PDE4D: variants seen among roughly 807,000 people sequenced by gnomAD.
The protein encoded by PDE4D is phosphodiesterase 4D.
Under a neutral mutation model 87.4 loss-of-function variants are expected in PDE4D, and 24 were observed. The observed-to-expected ratio is 0.27, with a 90% CI of 0.20 to 0.39. The LOEUF is 0.39. PDE4D is among the 10% of genes least tolerant of loss of function. The probability of loss-of-function intolerance (pLI) is 1.00; values close to 1 mark genes in which losing one functional copy is unlikely to be tolerated. For missense variants in PDE4D, 714 were observed against 1,041.0 expected, an observed-to-expected ratio of 0.69 and a Z score of 4.32; for synonymous variants, 384 against 383.2, an observed-to-expected ratio of 1.00 and a Z score of -0.02.
chr5:60,381,171 G>T (rs1254022401), intron 1 of PDE4D, among the ~76,000 whole-genome samples: 1 of 152,180 alleles, frequency 6.6e-6, no homozygotes, highest in Non-Finnish European at 1.5e-5. Flanking sequence ...ATGGCTGCCT[G>T]TTCCTTCTCT....
At position 59,647,446 on chromosome 5, in the gene PDE4D, G is replaced by C. The variant is rs139066912; in HGVS notation, c.455+245722C>G. Among the ~76,000 whole-genome samples the C allele has an allele frequency of 2.5e-3, 322 of 130,992 alleles. 3 individuals carry two copies. In the East Asian group the frequency reaches 0.067, roughly 27 times the overall value. The allele number at this position is 130,992 out of a possible 152,430, so 85.9% of individuals were successfully genotyped here. A position where few individuals can be genotyped will look rare whatever the true frequency, so the allele number is the denominator to read the frequency against. ...CATTTTAAATATATTTTTGAAATTAGGGATTTTTCAAAGTTTTTTTTTTTT... is the reference window on the plus strand; with the variant it reads ...CATTTTAAATATATTTTTGAAATTACGGATTTTTCAAAGTTTTTTTTTTTT... On this transcript the variant is annotated intron_variant, in intron 1 of 14. Transcript: ENST00000340635.
Position 60,381,864 on chromosome 5 carries a change from A to T in PDE4D, c.-90+106078T>A, listed in dbSNP as rs773582791. ...TAAGGCACTGAGGAAAAGATTAGAGAAAAAAACAGCAAGGAGTTGAACACA... is the reference window on the plus strand; with the variant it reads ...TAAGGCACTGAGGAAAAGATTAGAGTAAAAAACAGCAAGGAGTTGAACACA... On this transcript the variant is annotated intron_variant, in intron 1 of 16. Transcript: ENST00000502484. Among the ~76,000 whole-genome samples the T allele has an allele frequency of 5.3e-4, 80 of 152,190 alleles. 1 individual carries two copies. The highest frequency in any genetic ancestry group is 2.0e-3 in the Admixed American group (31 of 15,266).
At chr5:60,054,553 A>G (rs757312687) in intron 2 of PDE4D, among the ~76,000 whole-genome samples, 9 of 152,120 alleles carry the variant, frequency 5.9e-5, no homozygotes, top group East Asian at 1.9e-4. Flanking sequence ...TAGGGGAGGG[A>G]TAGCATTAGG....
chr5:59,988,338 C>T (rs952914153), intron 3 of PDE4D: 2 of 536,140 alleles, frequency 3.7e-6, no homozygotes, highest in Non-Finnish European at 3.3e-6. Context: ...AGAAATGTCA[C>T]CTGAGAAATT....
intron 1 of PDE4D, among the ~76,000 whole-genome samples, chr5:59,234,079 A>G (rs535782930): frequency 3.9e-5 from 6 of 152,258 alleles, no homozygotes; most frequent in Admixed American, 2.6e-4. Context: ...TTGAGAAGCA[A>G]TGTTCATTGC....
chr5:59,399,189 T>G lies in PDE4D; in HGVS notation c.456-183221A>C, dbSNP rs1167452054. ...ATTTAAAGATTCAATGCCATCCCCA[T>G]CAAGCTACCCATGACTTTCTTCACA... On this transcript the variant is annotated intron_variant, in intron 1 of 14. Coordinates refer to ENST00000340635, the MANE Select transcript of PDE4D (RefSeq NM_001104631.2). Among the ~76,000 whole-genome samples the G allele has an allele frequency of 1.5e-5, 2 of 135,280 alleles. 1 individual carries two copies. Among genetic ancestry groups the G allele is most frequent in the Non-Finnish European group, 3.3e-5 (2 of 60,126 alleles). 88.7% of individuals were successfully genotyped at this position (135,280 alleles called of 152,430 possible). A position where few individuals can be genotyped will look rare whatever the true frequency, so the allele number is the denominator to read the frequency against.
rs887208176 is a variant in PDE4D, at chr5:60,487,136, A to G, written c.-90+806T>C. Among the ~76,000 whole-genome samples the G allele has an allele frequency of 4.6e-5, 7 of 152,194 alleles. No individual in the cohort carries two copies. In the East Asian group the frequency reaches 1.2e-3, roughly 25 times the overall value. ...TGATGTTTTCTGGTTTTCCACTTCA[A>G]TCTGCTCCAGCTTTATCCTAAACCT... On this transcript the variant is annotated intron_variant, in intron 1 of 16. Transcript: ENST00000502484.
chr5:60,258,726 A>G (rs1749347649), intron 1 of PDE4D, among the ~76,000 whole-genome samples: 1 of 151,978 alleles, frequency 6.6e-6, no homozygotes, highest in Non-Finnish European at 1.5e-5. Flanking sequence ...CCATGCAGAA[A>G]CAATTAAAAA....
chr5:60,259,705 C>T (rs1304988861), intron 1 of PDE4D, among the ~76,000 whole-genome samples: 1 of 152,048 alleles, frequency 6.6e-6, no homozygotes, highest in Non-Finnish European at 1.5e-5. Flanking sequence ...TTGACTCATT[C>T]TACACATCTT....
intron 11 of PDE4D, among the ~76,000 whole-genome samples, chr5:58,982,493 T>C (rs1475803151): frequency 1.3e-5 from 2 of 152,264 alleles, no homozygotes; most frequent in Non-Finnish European, 2.9e-5. Flanking sequence ...AATACCATAG[T>C]TTTGGCAGAA....
intron 2 of PDE4D, among the ~76,000 whole-genome samples, chr5:60,028,432 G>C (rs1344627831): frequency 6.6e-6 from 1 of 152,122 alleles, no homozygotes; most frequent in Non-Finnish European, 1.5e-5. Flanking sequence ...TCCTGGGTCT[G>C]TCTGCCCTCA....
At chr5:60,403,219 C>T (rs1257147377) in intron 1 of PDE4D, among the ~76,000 whole-genome samples, 1 of 152,178 alleles carries the variant, frequency 6.6e-6, no homozygotes, top group Non-Finnish European at 1.5e-5. Flanking sequence ...TTAGTGTGTT[C>T]CTTCTCTAAA....
At chr5:60,151,280 G>A (rs56752765) in intron 2 of PDE4D, among the ~76,000 whole-genome samples, 2,844 of 152,190 alleles carry the variant, frequency 0.019, 87 homozygotes, top group African/African-American at 0.064. Context: ...AAAGTGCTGG[G>A]ATTACAGGTG....
chr5:59,612,527 A>G (rs980647538), intron 1 of PDE4D, among the ~76,000 whole-genome samples: 2 of 152,174 alleles, frequency 1.3e-5, no homozygotes. Context: ...GCAGTGAACT[A>G]TGAAATAACT....
intron 1 of PDE4D, among the ~76,000 whole-genome samples, chr5:60,263,188 CAGAG>C: frequency 6.6e-6 from 1 of 152,192 alleles, no homozygotes; most frequent in African/African-American, 2.4e-5. Flanking sequence ...AATCATCCCA[CAGAG>C]AGAGTTCTGC....
intron 1 of PDE4D, among the ~76,000 whole-genome samples, chr5:59,261,618 CT>C (rs1762023369): frequency 6.6e-6 from 1 of 151,660 alleles, no homozygotes; most frequent in Non-Finnish European, 1.5e-5. Context: ...ATAAAATTCA[CT>C]TTTTTCCAAC....
intron 1 of PDE4D, among the ~76,000 whole-genome samples, chr5:59,883,478 A>G (rs1382131844): frequency 2.0e-5 from 3 of 152,330 alleles, no homozygotes; most frequent in South Asian, 2.1e-4. Context: ...TAGATTTTCA[A>G]TGAATGGAAC....
intron 1 of PDE4D, among the ~76,000 whole-genome samples, chr5:60,343,345 G>A (rs1373848132): frequency 6.6e-6 from 1 of 152,114 alleles, no homozygotes; most frequent in African/African-American, 2.4e-5. Context: ...CCACAGCAGG[G>A]CCCGGAAAAG....
At chr5:59,763,450 G>A (rs187283621) in intron 1 of PDE4D, among the ~76,000 whole-genome samples, 1 of 152,098 alleles carries the variant, frequency 6.6e-6, no homozygotes, top group Non-Finnish European at 1.5e-5. Flanking sequence ...AATATGTGAA[G>A]ATAACAGGTT....
Sources: gnomAD v4.1 joint callset for allele counts (sites outside exome capture counted in the v4.1 genomes callset) on GRCh38, gnomAD v4.1.1 for gene constraint, MANE v1.5 for transcripts, NCBI Gene and HGNC (gene_info 2026-07-23, HGNC 2026-07-21) for gene names.